The following PHACTR4 variants were observed in gnomAD, a reference collection of about 807,000 sequenced individuals.
PHACTR4 encodes phosphatase and actin regulator 4, also known as protein phosphatase 1, regulatory subunit 124.
Under a neutral mutation model 72.7 loss-of-function variants are expected in PHACTR4, and 51 were observed. The observed-to-expected ratio is 0.70, with a 90% CI of 0.56 to 0.89. The LOEUF is 0.89. Among genes scored for constraint, PHACTR4 ranks in the 40% least tolerant of loss-of-function variants. The pLI, the probability that PHACTR4 is intolerant of heterozygous loss-of-function variation, is 0.00. For synonymous variants in PHACTR4, 255 were observed against 302.5 expected (o/e 0.84, Z 1.63); for missense variants, 731 against 861.8 (o/e 0.85, Z 1.90).
At chr1:28,469,870 A>G (rs902273562) in intron 6 of PHACTR4, among the ~76,000 whole-genome samples, 1 of 152,018 alleles carries the variant, frequency 6.6e-6, no homozygotes, top group Non-Finnish European at 1.5e-5. Context: ...AGCCTGGGCA[A>G]CATGGTGAAA....
At chr1:28,479,612 G>C (rs1259663447) in intron 8 of PHACTR4, among the ~76,000 whole-genome samples, 2 of 148,932 alleles carry the variant, frequency 1.3e-5, no homozygotes, top group South Asian at 2.1e-4. Flanking sequence ...GAGGCCAGGC[G>C]TGGTGGCTCA....
At chr1:28,495,617 T>A (rs4247163) in intron 13 of PHACTR4, among the ~76,000 whole-genome samples, 64,464 of 149,872 alleles carry the variant, frequency 0.43, 14,175 homozygotes, top group Middle Eastern at 0.49. Flanking sequence ...TTATTTATTT[T>A]TTTTTTTTTT....
intron 2 of PHACTR4, chr1:28,453,455 T>C: frequency 5.8e-6 from 2 of 342,214 alleles, no homozygotes; most frequent in Non-Finnish European, 5.3e-6. Flanking sequence ...CCTGATGTGA[T>C]GCATACCATA....
Position 28,389,043 on chromosome 1 carries a change from G to A in PHACTR4, c.-38-18367G>A, listed in dbSNP as rs12079133. On this transcript the variant is annotated intron_variant, in intron 1 of 13. Coordinates refer to ENST00000373839, the MANE Select transcript of PHACTR4 (RefSeq NM_001048183.3). ...GATTACATCAAACTCAAAAGCTTCC[G>A]CACAGCAAGGGAAACAACAGAATGA... Among the ~76,000 whole-genome samples the A allele has an allele frequency of 1.7e-3, 252 of 152,132 alleles. 1 individual carries two copies. The highest frequency in any genetic ancestry group is 5.9e-3 in the African/African-American group (245 of 41,510).
At chr1:28,408,828 C>G (rs1356006269) in intron 2 of PHACTR4, among the ~76,000 whole-genome samples, 1 of 149,546 alleles carries the variant, frequency 6.7e-6, no homozygotes, top group African/African-American at 2.5e-5. Flanking sequence ...GGTGTGCACC[C>G]CTATGCCCGA....
intron 1 of PHACTR4, among the ~76,000 whole-genome samples, chr1:28,371,686 C>T (rs907932414): frequency 4.0e-5 from 6 of 151,886 alleles, no homozygotes; most frequent in Admixed American, 3.3e-4. Context: ...GCAGCCTGGA[C>T]CTCCTCCTGG....
chr1:28,485,843 G>A (rs1405729390), intron 9 of PHACTR4, among the ~76,000 whole-genome samples: 1 of 151,138 alleles, frequency 6.6e-6, no homozygotes, highest in Non-Finnish European at 1.5e-5. Flanking sequence ...AGGTTGCAAT[G>A]AGCCAAGATC....
chr1:28,473,286 A>AAC (rs565044129), intron 6 of PHACTR4, among the ~76,000 whole-genome samples: 14,247 of 151,558 alleles, frequency 0.094, 1,512 homozygotes, highest in African/African-American at 0.26. Context: ...AAAAAAAAAA[A>AAC]AAAAAAAAAA....
intron 2 of PHACTR4, among the ~76,000 whole-genome samples, chr1:28,441,748 A>G (rs79758184): frequency 2.6e-5 from 4 of 152,176 alleles, no homozygotes. Context: ...TAATCCCAGC[A>G]CTTTGGGAGG....
chr1:28,477,844 G>A (rs766864254), intron 8 of PHACTR4, among the ~76,000 whole-genome samples: 12 of 151,816 alleles, frequency 7.9e-5, no homozygotes, highest in South Asian at 4.2e-4. Flanking sequence ...GAGCCACCAC[G>A]CCCAGCTCAT....
At chr1:28,377,209 A>G (rs1039281811) in intron 1 of PHACTR4, among the ~76,000 whole-genome samples, 4 of 147,282 alleles carry the variant, frequency 2.7e-5, no homozygotes, top group Admixed American at 6.8e-5. Context: ...AAGTGGTAGG[A>G]TTACAGGCGT....
intron 9 of PHACTR4, among the ~76,000 whole-genome samples, chr1:28,486,654 G>A (rs1055336329): frequency 2.6e-5 from 4 of 151,794 alleles, no homozygotes; most frequent in South Asian, 2.1e-4. Context: ...ATCACTTAAC[G>A]TCTGGAGTTC....
At chr1:28,415,675 A>G (rs1303298375) in intron 2 of PHACTR4, among the ~76,000 whole-genome samples, 1 of 152,160 alleles carries the variant, frequency 6.6e-6, no homozygotes, top group Non-Finnish European at 1.5e-5. Context: ...CTTGTTGAAA[A>G]TACTTTTTTG....
rs1201582553 is a variant in PHACTR4, at chr1:28,493,030, G to A, written c.2032G>A (p.Glu678Lys). 1.2e-6 allele frequency: 2 copies of A among 1,612,950 alleles called. No homozygotes were observed. Among genetic ancestry groups the A allele is most frequent in the East Asian group, 4.5e-5 (2 of 44,870 alleles). ...TPADKAAIRK[E>K]LNEFKSSEME... is the part of the protein sequence containing the mutation. Reference sequence around the variant, plus strand: ...TACTCCACAGGCTGCCATAAGAAAAGAATTAAATGAATTTAAAAGCTCCGA... The same window carrying A: ...TACTCCACAGGCTGCCATAAGAAAAAAATTAAATGAATTTAAAAGCTCCGA... The change falls in exon 13 of 14, where the codon GAA becomes AAA. Residue 678 changes from glutamate to lysine, a missense_variant. By Grantham distance (56) the Glu-to-Lys change is moderately conservative. This residue lies in a region of PHACTR4 where 110 missense variants were observed against 185.2 expected (regional missense o/e 0.59). Coordinates refer to ENST00000373839, the MANE Select transcript of PHACTR4 (RefSeq NM_001048183.3).
chr1:28,449,581 G>A (rs779542732), intron 2 of PHACTR4, among the ~76,000 whole-genome samples: 1 of 152,094 alleles, frequency 6.6e-6, no homozygotes, highest in African/African-American at 2.4e-5. Context: ...GCCCAGTGCT[G>A]TGGCTCACAC....
intron 1 of PHACTR4, among the ~76,000 whole-genome samples, chr1:28,384,681 G>A (rs143730472): frequency 6.6e-6 from 1 of 152,226 alleles, no homozygotes; most frequent in African/African-American, 2.4e-5. Context: ...GATCCCTTGA[G>A]GCAAGGAGTT....
chr1:28,460,145 A>G (rs529487159), intron 3 of PHACTR4, 67 bp from the exon 4 acceptor site: 28 of 1,034,122 alleles, frequency 2.7e-5, no homozygotes, highest in Non-Finnish European at 4.0e-5. Context: ...GTAGAATTAG[A>G]ATGCTAAGTG....
At chr1:28,420,680 T>C (rs1217587176) in intron 2 of PHACTR4, among the ~76,000 whole-genome samples, 3 of 151,770 alleles carry the variant, frequency 2.0e-5, no homozygotes. Flanking sequence ...TCTAAAGGAG[T>C]TATTTACAAT....
intron 11 of PHACTR4, 107 bp downstream of exon 11, chr1:28,491,119 A>T: frequency 8.5e-7 from 1 of 1,171,686 alleles, no homozygotes; most frequent in Non-Finnish European, 1.2e-6. Context: ...CTGTAATCCC[A>T]GCACTTTGGA....
Sources: gnomAD v4.1 joint callset for allele counts (sites outside exome capture counted in the v4.1 genomes callset) on GRCh38, gnomAD v4.1.1 for gene constraint, gnomAD v4.1.1 regional missense constraint, MANE v1.5 for transcripts, NCBI Gene and HGNC (gene_info 2026-07-23, HGNC 2026-07-21) for gene names.